Variants in PTPN9 observed in about 807,000 individuals in gnomAD.
PTPN9 encodes the protein tyrosine-protein phosphatase non-receptor type 9.
PTPN9 carries 26 observed loss-of-function variants against 69.8 expected under a neutral mutation model. The ratio of observed to expected loss-of-function variants is 0.37; its 90% CI spans 0.27 to 0.52. The LOEUF (loss-of-function observed/expected upper bound fraction) is 0.52. PTPN9 is among the 20% of genes least tolerant of loss of function. PTPN9 has a pLI of 0.91. For synonymous variants in PTPN9, 274 were observed against 272.5 expected (o/e 1.01, Z -0.05); for missense variants, 549 against 740.3 (o/e 0.74, Z 3.00).
At chr15:75,539,213 C>T (rs1015780737) in intron 1 of PTPN9, among the ~76,000 whole-genome samples, 4 of 151,972 alleles carry the variant, frequency 2.6e-5, no homozygotes, top group African/African-American at 9.7e-5. Context: ...TCCCAAAGTG[C>T]TGGGATTATA....
chr15:75,521,894 G>A (rs902642608), intron 4 of PTPN9, among the ~76,000 whole-genome samples: 14 of 152,148 alleles, frequency 9.2e-5, no homozygotes, highest in African/African-American at 3.4e-4. Flanking sequence ...CAAGAAGCGA[G>A]TGGATTCATC....
intron 1 of PTPN9, among the ~76,000 whole-genome samples, chr15:75,567,009 A>ATTTTTTTTTTTTTTTTTTTTTTT (rs1215458636): frequency 7.0e-6 from 1 of 143,176 alleles, no homozygotes. Flanking sequence ...TAAATAGCCC[A>ATTTTTTTTTTTTTTTTTTTTTTT]TTTTTTTTCT....
intron 2 of PTPN9, among the ~76,000 whole-genome samples, chr15:75,525,904 G>C (rs963410603): frequency 1.3e-4 from 19 of 151,582 alleles, no homozygotes; most frequent in African/African-American, 4.4e-4. Flanking sequence ...CAGTCTGGGA[G>C]ACACAGCAAG....
chr15:75,568,328 A>G (rs771253344), intron 1 of PTPN9, among the ~76,000 whole-genome samples: 38 of 149,690 alleles, frequency 2.5e-4, no homozygotes, highest in Admixed American at 1.3e-4. Flanking sequence ...CCCTGTCTCT[A>G]CAACAAATAA....
intron 7 of PTPN9, among the ~76,000 whole-genome samples, chr15:75,493,147 C>G (rs746448270): frequency 2.0e-5 from 3 of 151,622 alleles, no homozygotes; most frequent in Non-Finnish European, 4.4e-5. Flanking sequence ...AAAGTGAGAC[C>G]CTGTCTCAAA....
chr15:75,549,199 A>C (rs955422370), intron 1 of PTPN9, among the ~76,000 whole-genome samples: 1 of 152,138 alleles, frequency 6.6e-6, no homozygotes, highest in African/African-American at 2.4e-5. Context: ...AAATTATTCC[A>C]ATTTCATTTT....
chr15:75,510,512 T>C (rs908824648), intron 5 of PTPN9, among the ~76,000 whole-genome samples: 1 of 152,194 alleles, frequency 6.6e-6, no homozygotes, highest in African/African-American at 2.4e-5. Context: ...GCTGGGATTA[T>C]AGGCATTGAG....
In PTPN9 at chr15:75,463,437, G is replaced by A. The variant is rs1380441253; in HGVS notation, c.*5332C>T. 1 of 152,234 alleles carries A rather than the reference G, an allele frequency of 6.6e-6. No homozygotes were observed. The highest frequency in any genetic ancestry group is 1.5e-5 in the Non-Finnish European group (1 of 68,080). 9.4% of individuals were successfully genotyped at this position (152,234 alleles called of 1,614,324 possible). ...AGTAGTAGATTATAATGTGCGGGGA[G>A]GGGAGACGGACGTGAGCCTGGAGTC... is the stretch of plus-strand genomic sequence containing the variant. On this transcript the variant is annotated 3_prime_UTR_variant, in exon 13 of 13. Coordinates refer to ENST00000618819, the MANE Select transcript of PTPN9 (RefSeq NM_002833.4).
At chr15:75,534,228 T>C (rs1423530881) in intron 1 of PTPN9, among the ~76,000 whole-genome samples, 1 of 152,228 alleles carries the variant, frequency 6.6e-6, no homozygotes, top group Non-Finnish European at 1.5e-5. Flanking sequence ...ATGTTCATTC[T>C]CTTTTTTCTT....
intron 8 of PTPN9, among the ~76,000 whole-genome samples, chr15:75,489,852 G>T (rs577148254): frequency 2.6e-5 from 4 of 152,196 alleles, no homozygotes; most frequent in African/African-American, 9.6e-5. Flanking sequence ...AATCAAAGTT[G>T]CTTTGTATTG....
chr15:75,475,929 A>T (rs1379008583), intron 9 of PTPN9, among the ~76,000 whole-genome samples: 1 of 152,198 alleles, frequency 6.6e-6, no homozygotes, highest in Non-Finnish European at 1.5e-5. Flanking sequence ...ACTTGAGCCC[A>T]GAAGTTTGAG....
intron 1 of PTPN9, among the ~76,000 whole-genome samples, chr15:75,542,333 C>A (rs887422730): frequency 6.6e-6 from 1 of 152,106 alleles, no homozygotes; most frequent in Non-Finnish European, 1.5e-5. Flanking sequence ...AAGGGTAAGG[C>A]CAAATAACCA....
chr15:75,555,992 A>T (rs1422748050), intron 1 of PTPN9, among the ~76,000 whole-genome samples: 1 of 144,534 alleles, frequency 6.9e-6, no homozygotes, highest in African/African-American at 2.6e-5. Flanking sequence ...TGACTGCACC[A>T]CTTCATTCCA....
Position 75,469,927 on chromosome 15 carries a change from C to A in PTPN9, c.1432G>T (p.Ala478Ser). ...ACTCTCAAGAAGTCAATGAGGGAAG[C>A]TGCTGAGGAAGGGACACCATAGTCT... ...WPDYGVPSSA[A>S]SLIDFLRVVR... The change falls in exon 12 of 13, where the codon GCT becomes TCT. Residue 478 changes from alanine (A) to serine (S), a missense_variant. Physicochemically the swap from Ala to Ser is moderately conservative, Grantham distance 99. Coordinates refer to ENST00000618819, the MANE Select transcript of PTPN9 (RefSeq NM_002833.4). 1 of 1,614,212 alleles carries A rather than the reference C, an allele frequency of 6.2e-7. No individual in the cohort carries two copies. Among genetic ancestry groups the A allele is most frequent in the Middle Eastern group, 1.7e-4 (1 of 6,058 alleles).
At chr15:75,565,313 C>T (rs2075122151) in intron 1 of PTPN9, among the ~76,000 whole-genome samples, 1 of 151,984 alleles carries the variant, frequency 6.6e-6, no homozygotes, top group South Asian at 2.1e-4. Flanking sequence ...TTTGGTGACA[C>T]ATATTTTCAT....
intron 5 of PTPN9, among the ~76,000 whole-genome samples, chr15:75,515,743 C>T (rs888192949): frequency 4.6e-5 from 7 of 150,862 alleles, no homozygotes; most frequent in Non-Finnish European, 7.4e-5. Flanking sequence ...ACCAAAAGTA[C>T]AAAAATTGGC....
intron 7 of PTPN9, among the ~76,000 whole-genome samples, chr15:75,504,238 G>A (rs1210925115): frequency 7.8e-6 from 1 of 128,270 alleles, no homozygotes; most frequent in Non-Finnish European, 1.7e-5. Flanking sequence ...CCGGCCAGCC[G>A]CCCCGTCCGG....
chr15:75,557,835 G>A (rs992760165), intron 1 of PTPN9, among the ~76,000 whole-genome samples: 2 of 152,092 alleles, frequency 1.3e-5, no homozygotes, highest in Non-Finnish European at 2.9e-5. Context: ...AAGTTTTCAC[G>A]ATTGCTTCTA....
At chr15:75,562,320 A>G (rs1035566987) in intron 1 of PTPN9, among the ~76,000 whole-genome samples, 1 of 152,200 alleles carries the variant, frequency 6.6e-6, no homozygotes, top group Admixed American at 6.5e-5. Flanking sequence ...AACTGGGAAC[A>G]ATGTAGCCAC....
Sources: allele counts gnomAD v4.1 joint callset (sites outside exome capture counted in the v4.1 genomes callset), GRCh38; gene constraint gnomAD v4.1.1; transcripts MANE v1.5; gene names NCBI Gene and HGNC (gene_info 2026-07-23, HGNC 2026-07-21).